ETV6: variants seen among roughly 807,000 people sequenced by gnomAD.
ETV6 encodes ETS variant transcription factor 6.
In ETV6, 16 loss-of-function variants were observed where a neutral mutation model predicts 51.1. That is an observed-to-expected ratio of 0.31 (90% CI 0.21 to 0.48). The LOEUF is 0.48. Among genes scored for constraint, ETV6 ranks in the 20% least tolerant of loss-of-function variants. ETV6 has a pLI of 0.99. For missense variants in ETV6, 458 were observed against 594.8 expected, an observed-to-expected ratio of 0.77 and a Z score of 2.39; for synonymous variants, 240 against 224.1, an observed-to-expected ratio of 1.07 and a Z score of -0.64.
intron 1 of ETV6, among the ~76,000 whole-genome samples, chr12:11,674,036 C>T (rs1054768067): frequency 6.6e-6 from 1 of 152,186 alleles, no homozygotes; most frequent in African/African-American, 2.4e-5. Flanking sequence ...TCCCACCTTT[C>T]TCTAAAAGGT....
At chr12:11,750,664 G>A (rs997078139) in intron 1 of ETV6, among the ~76,000 whole-genome samples, 1 of 152,148 alleles carries the variant, frequency 6.6e-6, no homozygotes, top group African/African-American at 2.4e-5. Flanking sequence ...GATTTGGGGG[G>A]TGTCAGACAA....
intron 2 of ETV6, among the ~76,000 whole-genome samples, chr12:11,791,231 C>T (rs1405026576): frequency 1.3e-5 from 2 of 152,208 alleles, no homozygotes; most frequent in Non-Finnish European, 2.9e-5. Flanking sequence ...CCTCCCTCCA[C>T]CCCCTTATCT....
intron 1 of ETV6, among the ~76,000 whole-genome samples, chr12:11,661,231 G>A (rs570667788): frequency 6.6e-6 from 1 of 152,304 alleles, no homozygotes; most frequent in South Asian, 2.1e-4. Flanking sequence ...GGGCTCAAGT[G>A]ATCCTCCCAC....
chr12:11,769,037 A>G (rs1434881989), intron 2 of ETV6: 1 of 437,534 alleles, frequency 2.3e-6, no homozygotes, highest in Non-Finnish European at 4.5e-6. Context: ...AACTCAGAAT[A>G]AGAGAGAAAA....
chr12:11,751,427 T>C (rs755140458), intron 1 of ETV6: 5 of 518,936 alleles, frequency 9.6e-6, no homozygotes, highest in Admixed American at 5.8e-5. Flanking sequence ...CATTGCCCAG[T>C]TAAACCACAG....
At chr12:11,749,520 G>C (rs1030210762) in intron 1 of ETV6, among the ~76,000 whole-genome samples, 1 of 152,194 alleles carries the variant, frequency 6.6e-6, no homozygotes, top group South Asian at 2.1e-4. Context: ...TTAGACGTTA[G>C]TGTCCTTAAA....
chr12:11,813,618 TCCCCCA>T lies in ETV6; in HGVS notation c.164-25517_164-25512del, dbSNP rs1217870570. Among the ~76,000 whole-genome samples, 10 of 135,282 alleles carry T rather than the reference TCCCCCA, an allele frequency of 7.4e-5. No individual in the cohort carries two copies. In the South Asian group the frequency reaches 1.9e-3, roughly 26 times the overall value. 88.8% of individuals were successfully genotyped at this position (135,282 alleles called of 152,430 possible). On this transcript the variant is annotated intron_variant, in intron 2 of 7. Transcript: ENST00000396373. ...CCCTCCCTCTTTCCTTCTCTTTTCCTCCCCCACCCCTTCACGGCCTGCCCTTTCCTG... is the reference window on the plus strand; with the variant it reads ...CCCTCCCTCTTTCCTTCTCTTTTCCTCCCCTTCACGGCCTGCCCTTTCCTG...
At chr12:11,790,143 CT>C (rs150163345) in intron 2 of ETV6, among the ~76,000 whole-genome samples, 4,808 of 150,700 alleles carry the variant, frequency 0.032, 159 homozygotes, top group African/African-American at 0.081. Context: ...TATTCAAGTA[CT>C]TTTTTTGTTC....
At chr12:11,832,284 T>G (rs1191962046) in intron 2 of ETV6, among the ~76,000 whole-genome samples, 2 of 152,356 alleles carry the variant, frequency 1.3e-5, no homozygotes, top group East Asian at 3.9e-4. Flanking sequence ...ATTGTCAGAC[T>G]GAAACAGGTA....
rs1449335814 is a variant in ETV6, at chr12:11,891,968, A to ATGGAAGGCTGTCCAAGTTATT, written c.*931_*951dup. On this transcript the variant is annotated 3_prime_UTR_variant, in exon 8 of 8. Transcript: ENST00000396373. Reference sequence around the variant, plus strand: ...CATGTGTCTAAGGCGTAAGATAAGGATGGAAGGCTGTCCAAGTTATTTGGA... The same window carrying ATGGAAGGCTGTCCAAGTTATT: ...CATGTGTCTAAGGCGTAAGATAAGGATGGAAGGCTGTCCAAGTTATTTGGAAGGCTGTCCAAGTTATTTGGA... 3.6e-4 allele frequency: 86 copies of ATGGAAGGCTGTCCAAGTTATT among 235,740 alleles called. No homozygotes were observed. The highest frequency in any genetic ancestry group is 2.4e-3 in the Middle Eastern group (2 of 818). 14.6% of individuals were successfully genotyped at this position (235,740 alleles called of 1,614,324 possible). A position where few individuals can be genotyped will look rare whatever the true frequency, so the allele number is the denominator to read the frequency against.
At chr12:11,883,730 G>A (rs1221945209) in intron 5 of ETV6, among the ~76,000 whole-genome samples, 1 of 152,142 alleles carries the variant, frequency 6.6e-6, no homozygotes, top group Non-Finnish European at 1.5e-5. Flanking sequence ...TTCTGCAAGT[G>A]GAGAAAGTGA....
chr12:11,773,185 T>TC (rs1224560138), intron 2 of ETV6, among the ~76,000 whole-genome samples: 1 of 136,246 alleles, frequency 7.3e-6, no homozygotes, highest in East Asian at 2.1e-4. Flanking sequence ...AGAGTGAGAC[T>TC]CCATCTCAAA....
At chr12:11,833,711 G>A (rs1946276079) in intron 2 of ETV6, among the ~76,000 whole-genome samples, 2 of 152,146 alleles carry the variant, frequency 1.3e-5, no homozygotes, top group African/African-American at 2.4e-5. Context: ...GATTAAATGA[G>A]TTACATATGC....
chr12:11,670,109 C>T (rs112286552), intron 1 of ETV6, among the ~76,000 whole-genome samples: 31 of 151,184 alleles, frequency 2.1e-4, no homozygotes, highest in African/African-American at 7.4e-4. Context: ...TCTTGTTCTT[C>T]GGGGATACAC....
chr12:11,777,990 G>C (rs1894332), intron 2 of ETV6, among the ~76,000 whole-genome samples: 67,507 of 152,028 alleles, frequency 0.44, 17,509 homozygotes, highest in Admixed American at 0.65. Flanking sequence ...GCACACAGCA[G>C]GACTCGGCTC....
At chr12:11,772,997 A>T (rs1210517416) in intron 2 of ETV6, among the ~76,000 whole-genome samples, 1 of 152,094 alleles carries the variant, frequency 6.6e-6, no homozygotes, top group East Asian at 1.9e-4. Context: ...GATCCAGACC[A>T]TCCTGGCTAA....
chr12:11,713,380 A>T (rs1174706200), intron 1 of ETV6, among the ~76,000 whole-genome samples: 2 of 152,184 alleles, frequency 1.3e-5, no homozygotes, highest in Non-Finnish European at 2.9e-5. Flanking sequence ...ACTTTCCGTT[A>T]AGATTAGATT....
In ETV6 at chr12:11,724,035, C is replaced by G. The variant is rs116528699; in HGVS notation, c.34-28415C>G. Among the ~76,000 whole-genome samples, 1,280 of 152,152 alleles carry G rather than the reference C, an allele frequency of 8.4e-3. 17 individuals carry two copies. The highest frequency in any genetic ancestry group is 0.028 in the African/African-American group (1,180 of 41,496). On this transcript the variant is annotated intron_variant, in intron 1 of 7. Transcript: ENST00000396373. ...GTGGTGGCATACTCCCTCCCCCACCCCTGACCTGAGGGTGCTGTGTGTCAG... is the reference window on the plus strand; with the variant it reads ...GTGGTGGCATACTCCCTCCCCCACCGCTGACCTGAGGGTGCTGTGTGTCAG...
chr12:11,871,896 A>G (rs1482674696), intron 5 of ETV6, among the ~76,000 whole-genome samples: 1 of 152,246 alleles, frequency 6.6e-6, no homozygotes, highest in Non-Finnish European at 1.5e-5. Context: ...ATAGTAGATA[A>G]AGAAGCAAAG....
Sources: gnomAD v4.1 joint callset for allele counts (sites outside exome capture counted in the v4.1 genomes callset) on GRCh38, gnomAD v4.1.1 for gene constraint, MANE v1.5 for transcripts, NCBI Gene and HGNC (gene_info 2026-07-23, HGNC 2026-07-21) for gene names.